Variants in CUX1 observed in about 807,000 individuals in gnomAD.
CUX1 encodes the protein protein CASP.
Under a neutral mutation model 158.8 loss-of-function variants are expected in CUX1, and 31 were observed. That is an observed-to-expected ratio of 0.20 (90% CI 0.15 to 0.26). CUX1 has a LOEUF of 0.26. Among genes scored for constraint, CUX1 ranks in the 10% least tolerant of loss-of-function variants. The probability of loss-of-function intolerance (pLI) is 1.00; values close to 1 mark genes in which losing one functional copy is unlikely to be tolerated. For synonymous variants in CUX1, 879 were observed against 862.1 expected, an observed-to-expected ratio of 1.02 and a Z score of -0.34; for missense variants, 1,589 against 2,014.6, an observed-to-expected ratio of 0.79 and a Z score of 4.04.
intron 5 of CUX1, 127 bp from the exon 6 acceptor site, chr7:102,104,209 T>A: frequency 3.5e-6 from 3 of 858,936 alleles, no homozygotes; most frequent in Non-Finnish European, 5.3e-6. Context: ...CCATTGATTT[T>A]GTGTCAGAGT....
intron 3 of CUX1, among the ~76,000 whole-genome samples, chr7:102,054,136 T>G (rs1183898535): frequency 6.6e-6 from 1 of 152,156 alleles, no homozygotes; most frequent in Non-Finnish European, 1.5e-5. Context: ...GTAGCGTCTT[T>G]AGAAGCGCAG....
chr7:102,236,117 G>T (rs1269114349), intron 22 of CUX1, among the ~76,000 whole-genome samples: 1 of 152,218 alleles, frequency 6.6e-6, no homozygotes, highest in Non-Finnish European at 1.5e-5. Context: ...GATTTCAATA[G>T]CTCCTATCAG....
chr7:102,055,971 A>C (rs1377879707), intron 3 of CUX1, among the ~76,000 whole-genome samples: 1 of 152,208 alleles, frequency 6.6e-6, no homozygotes, highest in African/African-American at 2.4e-5. Context: ...CAGCCACAAC[A>C]TTCTCTTAAG....
At chr7:102,214,158 G>T (rs1172339223) in intron 20 of CUX1, among the ~76,000 whole-genome samples, 1 of 151,948 alleles carries the variant, frequency 6.6e-6, no homozygotes, top group African/African-American at 2.4e-5. Context: ...AATAATAAGT[G>T]GAAATGGTTC....
upstream of CUX1, chr7:101,817,104 G>T (rs1346669861): frequency 1.1e-5 from 11 of 984,430 alleles, no homozygotes; most frequent in African/African-American, 1.6e-4. This position sits in a 1 kb window ranked among gnomAD's most constrained non-coding sequence, Gnocchi z 4.1. Flanking sequence ...AGTGTCGCTG[G>T]GTCCCGGTGT....
chr7:102,200,111 T>G lies in CUX1; in HGVS notation c.2001T>G (p.Ser667=), dbSNP rs1025392675. The change falls in exon 17 of 24, where the codon TCT becomes TCG. Residue 667 remains serine (S), a synonymous_variant. Coordinates refer to ENST00000292535, the MANE Select transcript of CUX1 (RefSeq NM_181552.4). ...TTRIRASETG[S]DEAIKSILEQ... Reference sequence around the variant, plus strand: ...GGATCCGAGCCTCGGAGACTGGCTCTGATGAAGCCATCAAGTCCATCCTAG... The same window carrying G: ...GGATCCGAGCCTCGGAGACTGGCTCGGATGAAGCCATCAAGTCCATCCTAG... 6.2e-7 allele frequency: 1 copy of G among 1,613,560 alleles called. No homozygotes were observed. Among genetic ancestry groups the G allele is most frequent in the East Asian group, 2.2e-5 (1 of 44,862 alleles).
At chr7:101,883,907 T>C (rs992320717) in intron 1 of CUX1, among the ~76,000 whole-genome samples, 11 of 151,668 alleles carry the variant, frequency 7.3e-5, no homozygotes, top group African/African-American at 2.2e-4. Context: ...AAATTATTAT[T>C]ATTTTTTATA....
chr7:101,931,807 C>G (rs560540484), intron 2 of CUX1, among the ~76,000 whole-genome samples: 2 of 152,252 alleles, frequency 1.3e-5, no homozygotes, highest in South Asian at 4.1e-4. Context: ...CAGTCCCTCC[C>G]AAAGTGCTGG....
At chr7:102,076,009 C>T (rs1364527308) in intron 4 of CUX1, among the ~76,000 whole-genome samples, 1 of 145,830 alleles carries the variant, frequency 6.9e-6, no homozygotes, top group African/African-American at 2.5e-5. Flanking sequence ...CCCCCACCAT[C>T]CCCACCCGCC....
chr7:102,258,776 CCT>C (rs1427256062), downstream of CUX1, among the ~76,000 whole-genome samples: 5 of 152,192 alleles, frequency 3.3e-5, no homozygotes, highest in African/African-American at 9.7e-5. Flanking sequence ...TCACTGTGCC[CCT>C]GACTCCTGAT....
intron 4 of CUX1, among the ~76,000 whole-genome samples, chr7:102,088,756 A>G (rs1828215653): frequency 6.6e-6 from 1 of 152,188 alleles, no homozygotes; most frequent in Non-Finnish European, 1.5e-5. Flanking sequence ...ATATTTTTTT[A>G]ACCTATATAC....
chr7:102,070,273 T>G, intron 3 of CUX1, 66 bp from the exon 4 acceptor site: 1 of 1,392,984 alleles, frequency 7.2e-7, no homozygotes, highest in South Asian at 1.2e-5. Flanking sequence ...TGTAATGCTT[T>G]GTAAATTACC....
chr7:102,021,641 G>A (rs1474763332), intron 2 of CUX1, among the ~76,000 whole-genome samples: 1 of 106,626 alleles, frequency 9.4e-6, no homozygotes, highest in East Asian at 2.7e-4. Flanking sequence ...TTTTTTGGAT[G>A]GAGTTTCCTG....
chr7:101,913,515 GGAGGGGCAGGTGGGGACC>G, intron 1 of CUX1: 1 of 817,178 alleles, frequency 1.2e-6, no homozygotes, highest in Non-Finnish European at 1.6e-6. Flanking sequence ...ATCAGCCCAG[GGAGGGGCAGGTGGGGACC>G]GAGGGGGACG....
intron 2 of CUX1, among the ~76,000 whole-genome samples, chr7:102,005,438 G>A (rs1585245467): frequency 6.6e-6 from 1 of 152,166 alleles, no homozygotes; most frequent in Middle Eastern, 3.2e-3. Context: ...GGGCTCAAGC[G>A]ATGCTCCCAC....
chr7:102,094,764 C>T (rs1439869235), intron 4 of CUX1, among the ~76,000 whole-genome samples: 1 of 152,152 alleles, frequency 6.6e-6, no homozygotes, highest in Admixed American at 6.5e-5. Flanking sequence ...ACCTCTATGT[C>T]AAGTTTAAAT....
chr7:101,887,686 C>A (rs2131610595), intron 1 of CUX1, among the ~76,000 whole-genome samples: 1 of 152,130 alleles, frequency 6.6e-6, no homozygotes, highest in East Asian at 1.9e-4. Context: ...TTCCGTGACC[C>A]CAGGGCTGCT....
downstream of CUX1, among the ~76,000 whole-genome samples, chr7:102,259,922 C>G (rs1274443181): frequency 6.6e-6 from 1 of 151,370 alleles, no homozygotes; most frequent in African/African-American, 2.4e-5. Context: ...ATAGTGAGAC[C>G]CCATCTCTAC....
intron 8 of CUX1, among the ~76,000 whole-genome samples, chr7:102,131,588 A>C (rs1484071763): frequency 6.6e-6 from 1 of 151,988 alleles, no homozygotes; most frequent in Non-Finnish European, 1.5e-5. Context: ...TAACAAGCCA[A>C]CTATGTAGAA....
Sources: gnomAD v4.1 joint callset for allele counts (sites outside exome capture counted in the v4.1 genomes callset) on GRCh38, gnomAD v4.1.1 for gene constraint, Gnocchi (gnomAD v3.1) non-coding constraint, MANE v1.5 for transcripts, NCBI Gene and HGNC (gene_info 2026-07-23, HGNC 2026-07-21) for gene names.